CNOT6L: variants seen among roughly 807,000 people sequenced by gnomAD.
CNOT6L encodes the protein CCR4-NOT transcription complex subunit 6 like.
CNOT6L carries 7 observed loss-of-function variants against 64.0 expected under a neutral mutation model. That is an observed-to-expected ratio of 0.11 (90% confidence interval 0.06 to 0.21). The LOEUF is 0.21. CNOT6L is among the 10% of genes least tolerant of loss of function. CNOT6L has a pLI of 1.00. For missense variants in CNOT6L, 245 were observed against 669.0 expected, an observed-to-expected ratio of 0.37 and a Z score of 6.99; for synonymous variants, 193 against 243.4, an observed-to-expected ratio of 0.79 and a Z score of 1.93.
intron 1 of CNOT6L, among the ~76,000 whole-genome samples, chr4:77,778,216 A>G (rs1246702018): frequency 1.3e-5 from 2 of 152,220 alleles, no homozygotes; most frequent in African/African-American, 2.4e-5. Context: ...GCTGGACACC[A>G]TAAGGCACAC....
Position 77,774,667 on chromosome 4 carries a change from T to C in CNOT6L, c.177A>G (p.Thr59=). The C allele has an allele frequency of 6.2e-7, 1 of 1,612,562 alleles. No homozygotes were observed. Among genetic ancestry groups the C allele is most frequent in the South Asian group, 1.1e-5 (1 of 90,874 alleles). The change falls in exon 3 of 12, where the codon ACA becomes ACG. Residue 59 remains threonine (T), a synonymous_variant. Coordinates refer to ENST00000504123, the MANE Select transcript of CNOT6L (RefSeq NM_144571.3). Reference sequence around the variant, plus strand: ...GGTAATTGTCATTTAGGTGCAGCGCTGTCAAGTGTGTCAATGACCAAAGTG... The same window carrying C: ...GGTAATTGTCATTTAGGTGCAGCGCCGTCAAGTGTGTCAATGACCAAAGTG... ...STSLWSLTHL[T]ALHLNDNYLS... is the part of the protein sequence containing the mutation.
chr4:77,770,168 T>C (rs1397518053), intron 4 of CNOT6L, among the ~76,000 whole-genome samples: 1 of 152,162 alleles, frequency 6.6e-6, no homozygotes, highest in African/African-American at 2.4e-5. Flanking sequence ...ATAAAATTTC[T>C]AAAAATTAGC....
chr4:77,770,615 A>AC (rs202113579), intron 4 of CNOT6L, among the ~76,000 whole-genome samples: 2 of 42,116 alleles, frequency 4.7e-5, no homozygotes, highest in Admixed American at 5.8e-4. Context: ...ATAGGTACTT[A>AC]CAACAAATTG....
intron 1 of CNOT6L, chr4:77,818,910 G>A: frequency 2.0e-5 from 11 of 541,510 alleles, no homozygotes; most frequent in South Asian, 1.9e-4. Flanking sequence ...TCCCAGCCCC[G>A]CTGCCGCGCG....
intron 1 of CNOT6L, among the ~76,000 whole-genome samples, chr4:77,786,074 C>T (rs576915087): frequency 1.3e-5 from 2 of 151,742 alleles, no homozygotes; most frequent in East Asian, 3.9e-4. Flanking sequence ...TGAGGTCAGG[C>T]GTTCAAGACC....
chr4:77,742,911 T>C (rs1427097661), intron 7 of CNOT6L, among the ~76,000 whole-genome samples: 1 of 152,184 alleles, frequency 6.6e-6, no homozygotes, highest in Non-Finnish European at 1.5e-5. Flanking sequence ...ATAATTTATG[T>C]ATGCAGATGT....
intron 1 of CNOT6L, among the ~76,000 whole-genome samples, chr4:77,810,269 A>G (rs1017922960): frequency 6.6e-6 from 1 of 152,146 alleles, no homozygotes; most frequent in African/African-American, 2.4e-5. Context: ...CAAAAAGTAA[A>G]CAAAGGGTAA....
chr4:77,789,373 C>G (rs1305468125), intron 1 of CNOT6L, among the ~76,000 whole-genome samples: 1 of 150,910 alleles, frequency 6.6e-6, no homozygotes, highest in Non-Finnish European at 1.5e-5. Flanking sequence ...TGTTCAAATA[C>G]AATGCAAGGA....
chr4:77,819,220 GTCCCTCTCCCACCTCA>G (rs1734013298), intron 1 of CNOT6L, 68 bp downstream of exon 1: 1 of 1,611,198 alleles, frequency 6.2e-7, no homozygotes, highest in East Asian at 2.2e-5. Context: ...ACGCACATTT[GTCCCTCTCCCACCTCA>G]TTTCCCCGGG....
In CNOT6L at chr4:77,728,916, G is replaced by C; in HGVS notation, c.1190C>G (p.Thr397Ser). The C allele has an allele frequency of 6.2e-7, 1 of 1,613,836 alleles. No individual in the cohort carries two copies. The highest frequency in any genetic ancestry group is 1.1e-5 in the South Asian group (1 of 91,080). ...EKASSRPGSP[T>S]ADPNSIPLVL... Reference sequence around the variant, plus strand: ...CAGCGGGATGGAATTAGGATCTGCAGTTGGGCTTCCAGGCCTACTAGAGGC... The same window carrying C: ...CAGCGGGATGGAATTAGGATCTGCACTTGGGCTTCCAGGCCTACTAGAGGC... The change falls in exon 10 of 12, where the codon ACT becomes AGT. Residue 397 changes from threonine (T) to serine (S), a missense_variant. Thr to Ser is a moderately conservative substitution (Grantham distance 58, BLOSUM62 1). Coordinates refer to ENST00000504123, the MANE Select transcript of CNOT6L (RefSeq NM_144571.3).
intron 6 of CNOT6L, among the ~76,000 whole-genome samples, chr4:77,746,750 C>T (rs1334450309): frequency 6.6e-6 from 1 of 152,148 alleles, no homozygotes; most frequent in African/African-American, 2.4e-5. Flanking sequence ...TAATTATACA[C>T]TAGGAAAGGC....
intron 5 of CNOT6L, among the ~76,000 whole-genome samples, chr4:77,750,275 A>C (rs917127297): frequency 2.0e-5 from 3 of 152,216 alleles, no homozygotes; most frequent in Non-Finnish European, 2.9e-5. Flanking sequence ...AGTAATGATT[A>C]AAAGAAATTT....
intron 4 of CNOT6L, among the ~76,000 whole-genome samples, chr4:77,761,985 T>TA (rs1258608719): frequency 2.0e-5 from 3 of 152,064 alleles, no homozygotes; most frequent in Non-Finnish European, 4.4e-5. Flanking sequence ...TGCAATAGCA[T>TA]AAAAAATCAA....
intron 1 of CNOT6L, among the ~76,000 whole-genome samples, chr4:77,783,682 G>A (rs763556710): frequency 6.6e-6 from 1 of 152,100 alleles, no homozygotes; most frequent in Non-Finnish European, 1.5e-5. Flanking sequence ...TGGGGAATGG[G>A]ACTGAAGATA....
chr4:77,767,004 A>C (rs1017623135), intron 4 of CNOT6L, among the ~76,000 whole-genome samples: 2 of 139,530 alleles, frequency 1.4e-5, no homozygotes, highest in Non-Finnish European at 3.0e-5. Context: ...CAGTGGTTGC[A>C]GTGAGCCAAG....
chr4:77,788,233 C>T (rs1370149724), intron 1 of CNOT6L, among the ~76,000 whole-genome samples: 1 of 151,994 alleles, frequency 6.6e-6, no homozygotes, highest in African/African-American at 2.4e-5. Flanking sequence ...TCTCTTCAGG[C>T]AGGAATCCAA....
At chr4:77,818,856 A>C in intron 1 of CNOT6L, 5 of 241,074 alleles carry the variant, frequency 2.1e-5, no homozygotes, top group East Asian at 1.3e-4. Flanking sequence ...GCGGCCGGGG[A>C]ACGGCGGCCC....
chr4:77,799,500 T>TCCACC lies in CNOT6L; in HGVS notation c.5+19803_5+19804insGGTGG, dbSNP rs1222219414. Among the ~76,000 whole-genome samples the TCCACC allele has an allele frequency of 2.0e-5, 3 of 151,274 alleles. No homozygotes were observed. The East Asian group carries it at 5.8e-4, about 29-fold the overall frequency. Reference sequence around the variant, plus strand: ...CAGGTGGATCACCTGAGGTCAAGAGTTCGAGACTAGCCTGGCCAACATGGT... The same window carrying TCCACC: ...CAGGTGGATCACCTGAGGTCAAGAGTCCACCTCGAGACTAGCCTGGCCAACATGGT... On this transcript the variant is annotated intron_variant, in intron 1 of 11. Coordinates refer to ENST00000504123, the MANE Select transcript of CNOT6L (RefSeq NM_144571.3).
At chr4:77,788,309 C>A (rs529386473) in intron 1 of CNOT6L, among the ~76,000 whole-genome samples, 1 of 152,146 alleles carries the variant, frequency 6.6e-6, no homozygotes, top group African/African-American at 2.4e-5. Context: ...GTACATTATA[C>A]AAGACAAAAT....
Sources: gnomAD v4.1 joint callset for allele counts (sites outside exome capture counted in the v4.1 genomes callset) on GRCh38, gnomAD v4.1.1 for gene constraint, MANE v1.5 for transcripts, NCBI Gene and HGNC (gene_info 2026-07-23, HGNC 2026-07-21) for gene names.